Variants in ARGLU1 observed in about 807,000 individuals in gnomAD.
The protein encoded by ARGLU1 is arginine and glutamate rich 1.
ARGLU1 carries 9 observed loss-of-function variants against 37.6 expected under a neutral mutation model. The ratio of observed to expected loss-of-function variants is 0.24; its 90% CI spans 0.14 to 0.42. The LOEUF is 0.42. Ranked by LOEUF, ARGLU1 falls within the 10% of genes least tolerant of loss-of-function variation. The pLI is 1.00. For missense variants in ARGLU1, 211 were observed against 359.2 expected, an observed-to-expected ratio of 0.59 and a Z score of 3.34; for synonymous variants, 166 against 138.5, an observed-to-expected ratio of 1.20 and a Z score of -1.39.
intron 3 of ARGLU1, among the ~76,000 whole-genome samples, chr13:106,555,692 A>T (rs180866833): frequency 4.6e-5 from 7 of 152,296 alleles, no homozygotes; most frequent in South Asian, 2.1e-4. Flanking sequence ...ACCGAAAGTC[A>T]TATTTTTTAT....
chr13:106,552,790 G>C (rs1880563580), intron 3 of ARGLU1, among the ~76,000 whole-genome samples: 1 of 151,990 alleles, frequency 6.6e-6, no homozygotes, highest in South Asian at 2.1e-4. Flanking sequence ...CAAGAACAAA[G>C]AACAATCTGC....
intron 1 of ARGLU1, among the ~76,000 whole-genome samples, chr13:106,560,740 ATCCTAAGAGGACG>A (rs1880778212): frequency 6.6e-6 from 1 of 152,230 alleles, no homozygotes. Context: ...GTAAATCTCA[ATCCTAAGAGGACG>A]ATTCATGTTC....
At position 106,567,688 on chromosome 13, in the gene ARGLU1, G is replaced by A. The variant is rs774465619; in HGVS notation, c.232C>T (p.Pro78Ser). ...RERDRERASS[P>S]PDRIDIFGRT... ...CCGAAGATGTCGATGCGGTCGGGCG[G>A]GGACGAGGCGCGCTCCCGGTCCCGC... The change falls in exon 1 of 4, where the codon CCG becomes TCG. Residue 78 changes from proline to serine, a missense_variant. Pro to Ser is a moderately conservative substitution (Grantham distance 74, BLOSUM62 -1). Coordinates refer to ENST00000400198, the MANE Select transcript of ARGLU1 (RefSeq NM_018011.4). The surrounding 1 kb of genome is among the most constrained non-coding windows in gnomAD (Gnocchi z 4.3). 3 of 1,613,100 alleles carry A rather than the reference G, an allele frequency of 1.9e-6. No individual in the cohort carries two copies. Among genetic ancestry groups the A allele is most frequent in the African/African-American group, 2.7e-5 (2 of 74,812 alleles).
Position 106,559,423 on chromosome 13 carries a change from G to T in ARGLU1, c.573+9C>A, listed in dbSNP as rs769225293. On this transcript the variant is annotated intron_variant, in intron 2 of 3. Transcript: ENST00000400198. Reference sequence around the variant, plus strand: ...GACTGTCTCTACTTTCCAAACGACCGAGCGTTACCTCTCTAGCTTTTTGTG... The same window carrying T: ...GACTGTCTCTACTTTCCAAACGACCTAGCGTTACCTCTCTAGCTTTTTGTG... 1 of 1,613,758 alleles carries T rather than the reference G, an allele frequency of 6.2e-7. No individual in the cohort carries two copies. Among genetic ancestry groups the T allele is most frequent in the South Asian group, 1.1e-5 (1 of 91,036 alleles).
chr13:106,542,004 A>T lies in ARGLU1; in HGVS notation c.*1992T>A, dbSNP rs1181457659. ...CCTCTTTCCCATAGCCTGGCAGAGG[A>T]AAGTAGTTACCAAGCACAGGAACAA... is the stretch of plus-strand genomic sequence containing the variant. On this transcript the variant is annotated 3_prime_UTR_variant, in exon 4 of 4. Transcript: ENST00000400198. 1 of 152,112 alleles carries T rather than the reference A, an allele frequency of 6.6e-6. No homozygotes were observed. The highest frequency in any genetic ancestry group is 1.5e-5 in the Non-Finnish European group (1 of 68,024). The allele number at this position is 152,112 out of a possible 1,614,324, so 9.4% of individuals were successfully genotyped here. A position where few individuals can be genotyped will look rare whatever the true frequency, so the allele number is the denominator to read the frequency against.
Position 106,559,436 on chromosome 13 carries a change from C to G in ARGLU1, c.569G>C (p.Arg190Thr). The G allele has an allele frequency of 6.2e-7, 1 of 1,614,134 alleles. No individual in the cohort carries two copies. The stretch of plus-strand genomic sequence containing the variant: ...TTCCAAACGACCGAGCGTTACCTCT[C>G]TAGCTTTTTGTGCGGCAAGCTCAGC... Reference protein sequence around the residue: ...RQAELAAQKAREEEERAKREE... With the variant: ...RQAELAAQKATEEEERAKREE... Residue 190 changes from arginine to threonine, a missense_variant, in exon 2 of 4, where the codon AGA becomes ACA. Around this residue, in one of 3 missense-constraint regions of ARGLU1, gnomAD observed 80 missense variants for 158.4 expected, o/e 0.51. Coordinates refer to ENST00000400198, the MANE Select transcript of ARGLU1 (RefSeq NM_018011.4).
chr13:106,557,986 C>A lies in ARGLU1; in HGVS notation c.574-855G>T. 1 of 985,300 alleles carries A rather than the reference C, an allele frequency of 1.0e-6. No individual in the cohort carries two copies. Among genetic ancestry groups the A allele is most frequent in the Admixed American group, 6.1e-5 (1 of 16,276 alleles). The allele number at this position is 985,300 out of a possible 1,614,324, so 61.0% of individuals were successfully genotyped here. On this transcript the variant is annotated intron_variant, in intron 2 of 3. Coordinates refer to ENST00000400198, the MANE Select transcript of ARGLU1 (RefSeq NM_018011.4). This position sits in a 1 kb window ranked among gnomAD's most constrained non-coding sequence, Gnocchi z 5.0. ...AATAAAATTCTTCAACTTATTTTTT[C>A]TTGGAGAATTTAATGAGATTTTATA... is the stretch of plus-strand genomic sequence containing the variant.
In ARGLU1 at chr13:106,544,086, T is replaced by C. The variant is rs1880330390; in HGVS notation, c.732A>G (p.Arg244=). The part of the protein sequence containing the change: ...HEERMKLEQE[R]QRQQKEEQKI... ...TTTGTTCTTCTTTTTGTTGACGTTG[T>C]CGTTCTTGTTCTAGTTTCATCCTTT... Residue 244 remains arginine (R), a synonymous_variant, in exon 4 of 4, where the codon CGA becomes CGG. Coordinates refer to ENST00000400198, the MANE Select transcript of ARGLU1 (RefSeq NM_018011.4). 1.2e-6 allele frequency: 2 copies of C among 1,608,576 alleles called. No individual in the cohort carries two copies. The highest frequency in any genetic ancestry group is 2.7e-5 in the African/African-American group (2 of 74,536).
chr13:106,554,450 G>C (rs1450040785), intron 3 of ARGLU1, among the ~76,000 whole-genome samples: 2 of 152,144 alleles, frequency 1.3e-5, no homozygotes, highest in Non-Finnish European at 2.9e-5. Context: ...TCAAAATTGA[G>C]AGGAAGGGGA....
At chr13:106,565,207 C>T (rs1451740250) in intron 1 of ARGLU1, among the ~76,000 whole-genome samples, 1 of 152,198 alleles carries the variant, frequency 6.6e-6, no homozygotes, top group Non-Finnish European at 1.5e-5. Context: ...TGATTCCCAG[C>T]CTCTATTTAC....
chr13:106,559,481 T>C lies in ARGLU1; in HGVS notation c.524A>G (p.Glu175Gly). 1 of 1,614,208 alleles carries C rather than the reference T, an allele frequency of 6.2e-7. No homozygotes were observed. Reference sequence around the variant, plus strand: ...CTCAGCTTGTCTCTGTCGCTCGAGTTCTTCGAGCAACTGCTTTTCCATGAT... The same window carrying C: ...CTCAGCTTGTCTCTGTCGCTCGAGTCCTTCGAGCAACTGCTTTTCCATGAT... Reference protein sequence around the residue: ...KRIMEKQLLEELERQRQAELA... With the variant: ...KRIMEKQLLEGLERQRQAELA... The change falls in exon 2 of 4, where the codon GAA (glutamate) becomes GGA (glycine). Residue 175 changes from glutamate to glycine, a missense_variant. Glu to Gly is a moderately conservative substitution (Grantham distance 98, BLOSUM62 -2). Coordinates refer to ENST00000400198, the MANE Select transcript of ARGLU1 (RefSeq NM_018011.4).
intron 1 of ARGLU1, among the ~76,000 whole-genome samples, chr13:106,563,305 A>T (rs895460466): frequency 3.3e-5 from 5 of 152,168 alleles, no homozygotes; most frequent in Admixed American, 6.5e-5. Context: ...TATGTATCCC[A>T]TTTTTACTGA....
intron 1 of ARGLU1, among the ~76,000 whole-genome samples, chr13:106,566,803 G>T (rs990568008): frequency 6.6e-5 from 10 of 152,174 alleles, no homozygotes; most frequent in Admixed American, 3.9e-4. Flanking sequence ...CAGTGTAAGG[G>T]AAACAACAAA....
intron 3 of ARGLU1, among the ~76,000 whole-genome samples, chr13:106,544,655 AG>A (rs1161016656): frequency 3.3e-5 from 5 of 152,178 alleles, no homozygotes; most frequent in African/African-American, 1.2e-4. Flanking sequence ...CTCAAAGAGC[AG>A]GTTATCTACC....
chr13:106,544,594 T>TC (rs1238538106), intron 3 of ARGLU1, among the ~76,000 whole-genome samples: 1 of 152,202 alleles, frequency 6.6e-6, no homozygotes, highest in Non-Finnish European at 1.5e-5. Context: ...ATCTCTAACT[T>TC]CATTGTACCA....
rs1453495614 is a variant in ARGLU1 at position 106,542,668 on chromosome 13, T to C, written c.*1328A>G. 1 of 152,108 alleles carries C rather than the reference T, an allele frequency of 6.6e-6. No individual in the cohort carries two copies. The highest frequency in any genetic ancestry group is 1.9e-4 in the East Asian group (1 of 5,192). The allele number at this position is 152,108 out of a possible 1,614,324, so 9.4% of individuals were successfully genotyped here. ...ATATTGGGCAAAAATAAAAATATTT[T>C]CTCTACTTGATGACATGTTTATGCA... On this transcript the variant is annotated 3_prime_UTR_variant, in exon 4 of 4. Coordinates refer to ENST00000400198, the MANE Select transcript of ARGLU1 (RefSeq NM_018011.4).
chr13:106,557,738 C>CA lies in ARGLU1; in HGVS notation c.574-608dup, dbSNP rs1880693899. On this transcript the variant is annotated intron_variant, in intron 2 of 3. Coordinates refer to ENST00000400198, the MANE Select transcript of ARGLU1 (RefSeq NM_018011.4). The surrounding 1 kb of genome is among the most constrained non-coding windows in gnomAD (Gnocchi z 5.0). ...TGCAGATGTTTATGGTAAGAAGGAA[C>CA]AAAAAATGTAATTCATCATTCCTAA... 3 of 1,344,188 alleles carry CA rather than the reference C, an allele frequency of 2.2e-6. No homozygotes were observed. The African/African-American group carries it at 4.5e-5, about 20-fold the overall frequency. The allele number at this position is 1,344,188 out of a possible 1,614,324, so 83.3% of individuals were successfully genotyped here. A position where few individuals can be genotyped will look rare whatever the true frequency, so the allele number is the denominator to read the frequency against.
At chr13:106,565,332 G>A (rs999958971) in intron 1 of ARGLU1, among the ~76,000 whole-genome samples, 4 of 152,178 alleles carry the variant, frequency 2.6e-5, no homozygotes, top group African/African-American at 9.7e-5. Context: ...AGTCGGGGGA[G>A]GAGGCTCTTT....
At chr13:106,558,125 A>G (rs1354970562) in intron 2 of ARGLU1, 1 of 984,900 alleles carries the variant, frequency 1.0e-6, no homozygotes, top group Non-Finnish European at 1.2e-6. Flanking sequence ...TCCGTGTAAA[A>G]AAAAAATTGT....
Sources: allele counts gnomAD v4.1 joint callset (sites outside exome capture counted in the v4.1 genomes callset), GRCh38; gene constraint gnomAD v4.1.1; regional missense constraint gnomAD v4.1.1; non-coding constraint Gnocchi (gnomAD v3.1); transcripts MANE v1.5; gene names NCBI Gene and HGNC (gene_info 2026-07-23, HGNC 2026-07-21).